The following ELP4 variants were observed in gnomAD, a reference collection of about 807,000 sequenced individuals.
ELP4 encodes elongator complex protein 4.
A neutral mutation model predicts 48.9 loss-of-function variants in ELP4; 51 were observed. That is an observed-to-expected ratio of 1.04 (90% confidence interval 0.83 to 1.32). The LOEUF is 1.32. Ranked by LOEUF, ELP4 falls within the 40% of genes most tolerant of loss-of-function variation. ELP4 has a pLI of 0.00. For missense variants in ELP4, 519 were observed against 514.6 expected (o/e 1.01, Z -0.08); for synonymous variants, 210 against 189.2 (o/e 1.11, Z -0.90).
intron 9 of ELP4, among the ~76,000 whole-genome samples, chr11:31,676,785 C>T (rs893328894): frequency 1.3e-5 from 2 of 152,140 alleles, no homozygotes; most frequent in Admixed American, 6.6e-5. Flanking sequence ...AATCATGTAT[C>T]AAATGAATGG....
Position 31,787,441 on chromosome 11 carries a change from G to A in ELP4, c.*3917G>A, listed in dbSNP as rs574324676. ...AACCGTGGGCCGGAACTGGCTGCCT[G>A]ACCGTGGTGGAAATTACAGCCAGCG... On this transcript the variant is annotated 3_prime_UTR_variant, in exon 10 of 10. Transcript: ENST00000640961. 2.1e-5 allele frequency: 5 copies of A among 233,258 alleles called. No individual in the cohort carries two copies. The highest frequency in any genetic ancestry group is 1.1e-4 in the African/African-American group (5 of 45,460). 14.4% of individuals were successfully genotyped at this position (233,258 alleles called of 1,614,324 possible). A position where few individuals can be genotyped will look rare whatever the true frequency, so the allele number is the denominator to read the frequency against.
chr11:31,707,683 G>A (rs1211450661), intron 9 of ELP4, among the ~76,000 whole-genome samples: 1 of 151,966 alleles, frequency 6.6e-6, no homozygotes, highest in East Asian at 1.9e-4. Context: ...TATAATTCTA[G>A]AGGTCAGAGG....
chr11:31,549,635 G>T (rs1333100262), intron 3 of ELP4, among the ~76,000 whole-genome samples: 2 of 151,988 alleles, frequency 1.3e-5, no homozygotes, highest in Non-Finnish European at 2.9e-5. Flanking sequence ...TCCCATTACT[G>T]GGTATATACC....
Position 31,678,511 on chromosome 11 carries a change from G to A in ELP4, c.1143+28290G>A, listed in dbSNP as rs922597049. On this transcript the variant is annotated intron_variant, in intron 9 of 9. Transcript: ENST00000640961. ...CATATATGTATGTGTGTGTGTGTGT[G>A]TGTGTGTGTGTGTGTGTGTGTGTGT... is the stretch of plus-strand genomic sequence containing the variant. Among the ~76,000 whole-genome samples the A allele has an allele frequency of 7.7e-4, 99 of 129,222 alleles. 1 individual carries two copies. Among genetic ancestry groups the A allele is most frequent in the East Asian group, 6.2e-3 (28 of 4,506 alleles). The allele number at this position is 129,222 out of a possible 152,430, so 84.8% of individuals were successfully genotyped here.
chr11:31,587,235 G>A (rs997102608), intron 3 of ELP4, among the ~76,000 whole-genome samples: 4 of 152,132 alleles, frequency 2.6e-5, no homozygotes, highest in Admixed American at 2.0e-4. Context: ...AAGAAAGGTG[G>A]ACCTGTTTTA....
chr11:31,582,419 C>T (rs1957407072), intron 3 of ELP4, among the ~76,000 whole-genome samples: 1 of 152,040 alleles, frequency 6.6e-6, no homozygotes, highest in African/African-American at 2.4e-5. Flanking sequence ...CGCAAATCTG[C>T]TATTACATTT....
intron 3 of ELP4, among the ~76,000 whole-genome samples, chr11:31,577,698 C>T (rs558219784): frequency 5.8e-4 from 88 of 152,176 alleles, no homozygotes; most frequent in African/African-American, 1.7e-3. Context: ...AAAAACCACA[C>T]GATTATATGA....
At chr11:31,602,184 T>A (rs1957795784) in intron 4 of ELP4, among the ~76,000 whole-genome samples, 1 of 151,958 alleles carries the variant, frequency 6.6e-6, no homozygotes, top group Admixed American at 6.6e-5. Flanking sequence ...TCTAAAACAT[T>A]AAGGGGGCTT....
intron 9 of ELP4, among the ~76,000 whole-genome samples, chr11:31,691,723 C>T (rs1946285996): frequency 6.6e-6 from 1 of 152,014 alleles, no homozygotes; most frequent in Non-Finnish European, 1.5e-5. Context: ...TTTCTGATTT[C>T]TGAATTTAAA....
intron 3 of ELP4, among the ~76,000 whole-genome samples, chr11:31,558,312 A>G (rs1399414431): frequency 6.6e-6 from 1 of 152,066 alleles, no homozygotes; most frequent in African/African-American, 2.4e-5. Context: ...TAAAGATGGC[A>G]TGTGCCTGAT....
chr11:31,532,067 T>C (rs1956403789), intron 2 of ELP4, among the ~76,000 whole-genome samples: 1 of 152,204 alleles, frequency 6.6e-6, no homozygotes, highest in African/African-American at 2.4e-5. Flanking sequence ...TTTAAGTATT[T>C]AAATCTTGCC....
chr11:31,716,500 A>G (rs1253620036), intron 9 of ELP4, among the ~76,000 whole-genome samples: 1 of 152,192 alleles, frequency 6.6e-6, no homozygotes, highest in African/African-American at 2.4e-5. Flanking sequence ...TAATATGCAA[A>G]GTGCTTAGAA....
At chr11:31,549,199 A>C (rs1420535696) in intron 3 of ELP4, among the ~76,000 whole-genome samples, 3 of 151,378 alleles carry the variant, frequency 2.0e-5, no homozygotes, top group African/African-American at 7.3e-5. Context: ...GTGAACAGGC[A>C]ACCCACAAAA....
At chr11:31,648,543 AAAAC>A (rs1379256386) in intron 8 of ELP4, 1 of 151,544 alleles carries the variant, frequency 6.6e-6, no homozygotes, top group African/African-American at 2.4e-5. Flanking sequence ...ATATAGGTCT[AAAAC>A]AAATATAGAA....
At chr11:31,603,181 A>C (rs541686156) in intron 4 of ELP4, among the ~76,000 whole-genome samples, 17 of 151,860 alleles carry the variant, frequency 1.1e-4, no homozygotes, top group Non-Finnish European at 2.4e-4. Flanking sequence ...CCACTTTATC[A>C]TGTGCCTTGT....
At chr11:31,619,218 A>T (rs1438407377) in intron 5 of ELP4, among the ~76,000 whole-genome samples, 1 of 151,756 alleles carries the variant, frequency 6.6e-6, no homozygotes, top group African/African-American at 2.4e-5. Context: ...GAGAGAGGAG[A>T]GAATTGCCCA....
intron 3 of ELP4, among the ~76,000 whole-genome samples, chr11:31,549,366 C>G (rs534769255): frequency 1.1e-3 from 167 of 152,214 alleles, no homozygotes; most frequent in Admixed American, 2.4e-3. Flanking sequence ...CATTTATGCA[C>G]CCAAAAAACC....
intron 9 of ELP4, among the ~76,000 whole-genome samples, chr11:31,686,032 G>A (rs1348805947): frequency 1.3e-5 from 2 of 151,832 alleles, no homozygotes; most frequent in Non-Finnish European, 2.9e-5. Flanking sequence ...TTTTCAAGGG[G>A]TTATCACACA....
At chr11:31,619,311 C>T (rs1944565137) in intron 5 of ELP4, among the ~76,000 whole-genome samples, 1 of 151,780 alleles carries the variant, frequency 6.6e-6, no homozygotes, top group South Asian at 2.1e-4. Flanking sequence ...CATATGGCAG[C>T]CTGTGAGAAG....
Sources: allele counts gnomAD v4.1 joint callset (sites outside exome capture counted in the v4.1 genomes callset), GRCh38; gene constraint gnomAD v4.1.1; transcripts MANE v1.5; gene names NCBI Gene and HGNC (gene_info 2026-07-23, HGNC 2026-07-21).